ECE1: variants seen among roughly 807,000 people sequenced by gnomAD.
ECE1 encodes the protein endothelin-converting enzyme 1.
ECE1 carries 35 observed loss-of-function variants against 98.6 expected under a neutral mutation model. The observed-to-expected ratio is 0.35, with a 90% CI of 0.27 to 0.47. The LOEUF is 0.47. ECE1 is among the 20% of genes least tolerant of loss of function. The pLI is 1.00. For missense variants in ECE1, 814 were observed against 1,025.3 expected, an observed-to-expected ratio of 0.79 and a Z score of 2.81; for synonymous variants, 394 against 407.1, an observed-to-expected ratio of 0.97 and a Z score of 0.39.
chr1:21,277,420 G>A (rs772549831), intron 3 of ECE1, among the ~76,000 whole-genome samples: 3 of 152,226 alleles, frequency 2.0e-5, no homozygotes, highest in Non-Finnish European at 2.9e-5. Flanking sequence ...GCCAGCTCCC[G>A]CTGCTCTGAG....
intron 1 of ECE1, among the ~76,000 whole-genome samples, chr1:21,331,336 G>A (rs1456736080): frequency 1.3e-5 from 2 of 152,056 alleles, no homozygotes; most frequent in Non-Finnish European, 2.9e-5. Flanking sequence ...CCCAGGAGGT[G>A]ACAATTGCAA....
intron 2 of ECE1, among the ~76,000 whole-genome samples, chr1:21,281,492 T>C (rs1198738614): frequency 6.6e-6 from 1 of 152,150 alleles, no homozygotes; most frequent in African/African-American, 2.4e-5. Context: ...GAGTAATCAG[T>C]TATCTCACAC....
intron 14 of ECE1, among the ~76,000 whole-genome samples, chr1:21,231,919 G>A (rs2098182227): frequency 6.6e-6 from 1 of 152,234 alleles, no homozygotes; most frequent in Non-Finnish European, 1.5e-5. Flanking sequence ...TGGCCATATG[G>A]AGGAATTTAA....
chr1:21,338,879 C>T (rs975024846), intron 1 of ECE1, among the ~76,000 whole-genome samples: 1 of 152,188 alleles, frequency 6.6e-6, no homozygotes, highest in South Asian at 2.1e-4. Flanking sequence ...ACGCTGTAAC[C>T]TAACTCTGCC....
intron 2 of ECE1, among the ~76,000 whole-genome samples, chr1:21,288,377 C>T (rs1296245180): frequency 6.6e-6 from 1 of 152,236 alleles, no homozygotes; most frequent in African/African-American, 2.4e-5. Context: ...TCTCTAACAT[C>T]CATTTCACAG....
chr1:21,245,180 A>C, intron 9 of ECE1, 77 bp from the exon 10 acceptor site: 8 of 1,332,694 alleles, frequency 6.0e-6, no homozygotes, highest in Non-Finnish European at 8.5e-6. Context: ...GCTGGCCCCT[A>C]GGGGGCTCTC....
intron 8 of ECE1, among the ~76,000 whole-genome samples, chr1:21,248,346 G>C (rs893815792): frequency 6.6e-6 from 1 of 152,004 alleles, no homozygotes; most frequent in Non-Finnish European, 1.5e-5. Flanking sequence ...CTTAATTTTC[G>C]TATTTTTAGT....
chr1:21,270,157 G>A (rs773932862), intron 4 of ECE1, among the ~76,000 whole-genome samples: 4 of 152,210 alleles, frequency 2.6e-5, no homozygotes, highest in Non-Finnish European at 5.9e-5. Flanking sequence ...CCCAGAGAGT[G>A]AGCCCCTCAC....
At chr1:21,288,294 C>T (rs954247976) in intron 2 of ECE1, among the ~76,000 whole-genome samples, 25 of 152,224 alleles carry the variant, frequency 1.6e-4, no homozygotes, top group African/African-American at 6.0e-4. Context: ...AATGTGGCCA[C>T]GCCAGCCCTT....
intron 2 of ECE1, among the ~76,000 whole-genome samples, chr1:21,287,925 T>TC (rs771409947): frequency 1.3e-4 from 20 of 150,804 alleles, no homozygotes; most frequent in Non-Finnish European, 2.8e-4. Flanking sequence ...TCTTTTTTTC[T>TC]CCCCCAAGTG....
chr1:21,243,280 T>C (rs2103255305), intron 10 of ECE1, among the ~76,000 whole-genome samples: 1 of 152,320 alleles, frequency 6.6e-6, no homozygotes, highest in South Asian at 2.1e-4. Context: ...GTATCTTTGG[T>C]TATTATCATC....
chr1:21,343,762 G>A (rs1217525615), intron 1 of ECE1, among the ~76,000 whole-genome samples: 1 of 152,232 alleles, frequency 6.6e-6, no homozygotes, highest in East Asian at 1.9e-4. Context: ...GGCTTCTTCA[G>A]TTGTAAGGAT....
chr1:21,318,275 C>CA (rs1638876349), intron 1 of ECE1, among the ~76,000 whole-genome samples: 1 of 152,202 alleles, frequency 6.6e-6, no homozygotes, highest in South Asian at 2.1e-4. Context: ...TGTGCAGGAA[C>CA]TGATCAGCGT....
intron 10 of ECE1, among the ~76,000 whole-genome samples, chr1:21,240,548 G>A (rs1207073889): frequency 1.3e-5 from 2 of 152,132 alleles, no homozygotes; most frequent in Non-Finnish European, 2.9e-5. Flanking sequence ...CATTTTTATT[G>A]TATGTAAATT....
intron 2 of ECE1, among the ~76,000 whole-genome samples, chr1:21,285,575 A>T (rs2098259554): frequency 6.6e-6 from 1 of 151,996 alleles, no homozygotes; most frequent in African/African-American, 2.4e-5. Context: ...CTGTAATCCC[A>T]GCACTCTGGG....
chr1:21,342,972 T>C (rs1380916469), intron 1 of ECE1, among the ~76,000 whole-genome samples: 1 of 152,224 alleles, frequency 6.6e-6, no homozygotes, highest in Admixed American at 6.5e-5. Context: ...TTTTGTTTCC[T>C]GACCCTTTCA....
At chr1:21,229,845 C>G (rs1230817624) in intron 14 of ECE1, among the ~76,000 whole-genome samples, 1 of 152,120 alleles carries the variant, frequency 6.6e-6, no homozygotes, top group Non-Finnish European at 1.5e-5. Context: ...AAGTGCAGGA[C>G]AGACCAATGG....
At chr1:21,266,787 A>T (rs1295387795) in intron 4 of ECE1, 1 of 152,228 alleles carries the variant, frequency 6.6e-6, no homozygotes, top group Non-Finnish European at 1.5e-5. Flanking sequence ...CTAGGTCGCA[A>T]AAGTGGCTGT....
chr1:21,257,756 G>A (rs1173106988), intron 6 of ECE1, among the ~76,000 whole-genome samples, 166 bp from the exon 7 acceptor site: 1 of 151,998 alleles, frequency 6.6e-6, no homozygotes, highest in Non-Finnish European at 1.5e-5. Flanking sequence ...ACTCAGGGAC[G>A]GGATGACACA....
Sources: gnomAD v4.1 joint callset for allele counts (sites outside exome capture counted in the v4.1 genomes callset) on GRCh38, gnomAD v4.1.1 for gene constraint, MANE v1.5 for transcripts, NCBI Gene and HGNC (gene_info 2026-07-23, HGNC 2026-07-21) for gene names.